Variants in RGS7BP observed in about 807,000 individuals in gnomAD.
RGS7BP encodes regulator of G protein signaling 7-binding protein.
RGS7BP carries 9 observed loss-of-function variants against 31.3 expected under a neutral mutation model. The observed-to-expected ratio is 0.29, with a 90% CI of 0.17 to 0.50. The LOEUF (loss-of-function observed/expected upper bound fraction) is 0.50, where lower values mean the gene tolerates loss of function less well. RGS7BP is among the 20% of genes least tolerant of loss of function. The pLI is 0.98. For missense variants in RGS7BP, 274 were observed against 322.0 expected (o/e 0.85, Z 1.14); for synonymous variants, 115 against 120.1 (o/e 0.96, Z 0.28).
At chr5:64,569,122 C>T (rs1166664763) in intron 2 of RGS7BP, among the ~76,000 whole-genome samples, 1 of 152,120 alleles carries the variant, frequency 6.6e-6, no homozygotes, top group Non-Finnish European at 1.5e-5. Flanking sequence ...CTGACTGAAC[C>T]TGAATAGCTC....
rs567074888 is a variant in RGS7BP, at chr5:64,611,903, G to T, written c.*2651G>T. On this transcript the variant is annotated 3_prime_UTR_variant, in exon 6 of 6. Coordinates refer to ENST00000334025, the MANE Select transcript of RGS7BP (RefSeq NM_001029875.3). ...CCAAGCGATAAAGTTCTACTGTCTC[G>T]GCTTCCTGCTGGTAATTCGCTTTCA... is the stretch of plus-strand genomic sequence containing the variant. 6.6e-6 allele frequency: 1 copy of T among 151,758 alleles called. No homozygotes were observed. The highest frequency in any genetic ancestry group is 1.5e-5 in the Non-Finnish European group (1 of 67,870). 9.4% of individuals were successfully genotyped at this position (151,758 alleles called of 1,614,324 possible).
chr5:64,587,429 G>A (rs960615541), intron 3 of RGS7BP, among the ~76,000 whole-genome samples: 1 of 152,080 alleles, frequency 6.6e-6, no homozygotes, highest in Non-Finnish European at 1.5e-5. Flanking sequence ...GTGAAAATGA[G>A]GTCAATTCCA....
intron 3 of RGS7BP, among the ~76,000 whole-genome samples, chr5:64,580,133 C>A (rs548435755): frequency 6.6e-6 from 1 of 152,212 alleles, no homozygotes; most frequent in East Asian, 1.9e-4. Context: ...AGAGATAGGT[C>A]CATAGACCAC....
intron 2 of RGS7BP, among the ~76,000 whole-genome samples, chr5:64,541,391 G>A (rs981759658): frequency 2.0e-5 from 3 of 152,180 alleles, no homozygotes; most frequent in African/African-American, 7.2e-5. Context: ...ATTTCAACAT[G>A]AGGTCTGGAG....
chr5:64,560,543 G>GTATATATATATATA (rs35400833), intron 2 of RGS7BP, among the ~76,000 whole-genome samples: 1 of 147,246 alleles, frequency 6.8e-6, no homozygotes, highest in East Asian at 2.0e-4. Context: ...TAATATCATT[G>GTATATATATATATA]TATATATATA....
intron 2 of RGS7BP, among the ~76,000 whole-genome samples, chr5:64,530,007 A>G (rs1749330519): frequency 6.6e-6 from 1 of 152,220 alleles, no homozygotes; most frequent in African/African-American, 2.4e-5. Context: ...CCAGGAAAAT[A>G]TGTTTCAACC....
At chr5:64,511,741 G>C (rs552396039) in intron 2 of RGS7BP, among the ~76,000 whole-genome samples, 2 of 152,170 alleles carry the variant, frequency 1.3e-5, no homozygotes, top group African/African-American at 2.4e-5. Context: ...CAAAGAATAC[G>C]TGAAGATTTT....
intron 2 of RGS7BP, among the ~76,000 whole-genome samples, chr5:64,512,182 A>C (rs1748854868): frequency 6.6e-6 from 1 of 152,102 alleles, no homozygotes. Context: ...TCTTTCTCAC[A>C]CTGCTGCTTT....
At chr5:64,555,461 A>C (rs2111846716) in intron 2 of RGS7BP, among the ~76,000 whole-genome samples, 1 of 152,292 alleles carries the variant, frequency 6.6e-6, no homozygotes, top group South Asian at 2.1e-4. Flanking sequence ...CAAACAAGAA[A>C]CTTTAAGTAA....
rs573094102 is a variant in RGS7BP, at chr5:64,535,585, T to G, written c.332+27708T>G. On this transcript the variant is annotated intron_variant, in intron 2 of 5. Coordinates refer to ENST00000334025, the MANE Select transcript of RGS7BP (RefSeq NM_001029875.3). ...AAAGAAAGAAAGGTTGATTATTAAA[T>G]GACAGGAAAGGTTATCCAACATAGA... Among the ~76,000 whole-genome samples, 11 of 152,382 alleles carry G rather than the reference T, an allele frequency of 7.2e-5. No homozygotes were observed. The South Asian group carries it at 2.3e-3, about 32-fold the overall frequency.
chr5:64,534,307 C>T (rs115944549), intron 2 of RGS7BP, among the ~76,000 whole-genome samples: 1,869 of 152,216 alleles, frequency 0.012, 47 homozygotes, highest in African/African-American at 0.042. Flanking sequence ...AAGGAGTTAG[C>T]AACCAGCCTG....
At chr5:64,608,673 T>C (rs1743426432) in intron 5 of RGS7BP, among the ~76,000 whole-genome samples, 1 of 152,122 alleles carries the variant, frequency 6.6e-6, no homozygotes, top group South Asian at 2.1e-4. Context: ...TATTAAACTC[T>C]ATTTTACAGA....
chr5:64,585,459 AG>A (rs1446436860), intron 3 of RGS7BP, among the ~76,000 whole-genome samples: 8 of 152,010 alleles, frequency 5.3e-5, no homozygotes, highest in African/African-American at 1.9e-4. Flanking sequence ...AGAAAAGAGG[AG>A]TGGGGAAAAC....
chr5:64,514,558 T>C (rs1348810736), intron 2 of RGS7BP, among the ~76,000 whole-genome samples: 1 of 152,170 alleles, frequency 6.6e-6, no homozygotes, highest in African/African-American at 2.4e-5. Flanking sequence ...GAATAGAATG[T>C]TTTCTGTATG....
At chr5:64,549,525 C>T (rs1741739290) in intron 2 of RGS7BP, among the ~76,000 whole-genome samples, 1 of 152,214 alleles carries the variant, frequency 6.6e-6, no homozygotes, top group South Asian at 2.1e-4. Flanking sequence ...CTTGAAATTT[C>T]TGAATCACCT....
chr5:64,548,075 A>G (rs932285793), intron 2 of RGS7BP, among the ~76,000 whole-genome samples: 1 of 152,160 alleles, frequency 6.6e-6, no homozygotes, highest in Non-Finnish European at 1.5e-5. Context: ...AACATTATCC[A>G]TAATTATTTA....
intron 3 of RGS7BP, among the ~76,000 whole-genome samples, chr5:64,589,926 A>C (rs1197343856): frequency 2.0e-5 from 2 of 97,772 alleles, no homozygotes; most frequent in East Asian, 3.0e-4. Context: ...CCCTGACTCA[A>C]AAAAAAAAAA....
intron 2 of RGS7BP, among the ~76,000 whole-genome samples, chr5:64,526,581 C>T (rs926288913): frequency 1.3e-5 from 2 of 152,124 alleles, no homozygotes; most frequent in East Asian, 1.9e-4. Flanking sequence ...TTCCAACTTC[C>T]CTGCAACCAA....
intron 5 of RGS7BP, among the ~76,000 whole-genome samples, chr5:64,599,692 G>C (rs1010961725): frequency 2.0e-5 from 3 of 152,218 alleles, no homozygotes; most frequent in Non-Finnish European, 4.4e-5. Context: ...AGACTGCTCT[G>C]ACCACCACAT....
Sources: allele counts gnomAD v4.1 joint callset (sites outside exome capture counted in the v4.1 genomes callset), GRCh38; gene constraint gnomAD v4.1.1; transcripts MANE v1.5; gene names NCBI Gene and HGNC (gene_info 2026-07-23, HGNC 2026-07-21).